The following AGPS variants were observed in gnomAD, a reference collection of about 807,000 sequenced individuals.
AGPS encodes the protein alkyldihydroxyacetonephosphate synthase, peroxisomal.
A neutral mutation model predicts 90.7 loss-of-function variants in AGPS; 26 were observed. The observed-to-expected ratio is 0.29, with a 90% CI of 0.21 to 0.40. AGPS has a LOEUF of 0.40. Ranked by LOEUF, AGPS falls within the 10% of genes least tolerant of loss-of-function variation. AGPS has a pLI of 1.00. For missense variants in AGPS, 540 were observed against 816.1 expected (o/e 0.66, Z 4.12); for synonymous variants, 294 against 285.3 (o/e 1.03, Z -0.31).
intron 1 of AGPS, among the ~76,000 whole-genome samples, chr2:177,399,097 G>T (rs965280065): frequency 6.6e-6 from 1 of 152,116 alleles, no homozygotes; most frequent in Non-Finnish European, 1.5e-5. Context: ...ATCTACCCTT[G>T]TGGTCATTTA....
intron 18 of AGPS, among the ~76,000 whole-genome samples, chr2:177,522,734 G>A (rs868708165): frequency 1.3e-5 from 2 of 152,168 alleles, no homozygotes; most frequent in Non-Finnish European, 2.9e-5. Flanking sequence ...GATTACAAGC[G>A]TGAGCTACCG....
chr2:177,536,503 GA>G (rs1442622788), intron 19 of AGPS, among the ~76,000 whole-genome samples: 1 of 151,974 alleles, frequency 6.6e-6, no homozygotes, highest in Non-Finnish European at 1.5e-5. Context: ...TAGAGTTGAA[GA>G]GACCTTATAA....
intron 8 of AGPS, among the ~76,000 whole-genome samples, chr2:177,458,054 T>C (rs1260004323): frequency 6.6e-6 from 1 of 152,210 alleles, no homozygotes; most frequent in Non-Finnish European, 1.5e-5. Flanking sequence ...TAAATCAATG[T>C]AATCCATCAC....
At chr2:177,501,497 C>T (rs928147123) in intron 14 of AGPS, among the ~76,000 whole-genome samples, 1 of 152,088 alleles carries the variant, frequency 6.6e-6, no homozygotes. Context: ...ATTCTAGATA[C>T]TTGATTTAAT....
intron 19 of AGPS, among the ~76,000 whole-genome samples, chr2:177,536,423 A>G (rs1236856181): frequency 6.6e-6 from 1 of 151,898 alleles, no homozygotes; most frequent in Admixed American, 6.6e-5. Context: ...AAAAAAAAAA[A>G]TCCTGTGGAG....
intron 8 of AGPS, among the ~76,000 whole-genome samples, chr2:177,458,052 T>C (rs1010117986): frequency 6.6e-6 from 1 of 152,156 alleles, no homozygotes; most frequent in African/African-American, 2.4e-5. Flanking sequence ...AATAAATCAA[T>C]GTAATCCATC....
At chr2:177,462,392 C>CA (rs67734682) in intron 9 of AGPS, among the ~76,000 whole-genome samples, 80,353 of 107,032 alleles carry the variant, frequency 0.75, 30,474 homozygotes, top group East Asian at 0.9. Flanking sequence ...GATTCTGTCT[C>CA]AAAAAAAAAA....
At chr2:177,473,023 C>T (rs976858696) in intron 10 of AGPS, among the ~76,000 whole-genome samples, 1 of 152,104 alleles carries the variant, frequency 6.6e-6, no homozygotes, top group African/African-American at 2.4e-5. Context: ...TCCTCTAGTT[C>T]CTCTGTTACT....
At chr2:177,530,748 G>A (rs539333318) in intron 19 of AGPS, among the ~76,000 whole-genome samples, 53 of 152,286 alleles carry the variant, frequency 3.5e-4, no homozygotes, top group Non-Finnish European at 5.9e-4. Flanking sequence ...GTTAACTCTG[G>A]TTTTGTGTAT....
intron 3 of AGPS, among the ~76,000 whole-genome samples, chr2:177,435,316 G>C (rs1686371947): frequency 6.6e-6 from 1 of 151,796 alleles, no homozygotes. Context: ...AAGTTAGGCT[G>C]AACAACTAAT....
chr2:177,524,245 G>A (rs1317526669), intron 19 of AGPS, among the ~76,000 whole-genome samples: 1 of 152,160 alleles, frequency 6.6e-6, no homozygotes, highest in Non-Finnish European at 1.5e-5. Context: ...AATTAATCAA[G>A]ACAGGATATG....
intron 8 of AGPS, among the ~76,000 whole-genome samples, chr2:177,458,108 A>T (rs964645994): frequency 6.6e-6 from 1 of 152,228 alleles, no homozygotes; most frequent in African/African-American, 2.4e-5. Flanking sequence ...ATCTCAATAG[A>T]TGCAGAAAAG....
At chr2:177,512,172 TTTTA>T (rs1242249379) in intron 16 of AGPS, among the ~76,000 whole-genome samples, 6 of 151,950 alleles carry the variant, frequency 3.9e-5, no homozygotes, top group Non-Finnish European at 8.8e-5. Flanking sequence ...GCTTAATAGA[TTTTA>T]TTTATATTTA....
At chr2:177,495,759 A>T in intron 12 of AGPS, among the ~76,000 whole-genome samples, 1 of 150,456 alleles carries the variant, frequency 6.6e-6, no homozygotes, top group Admixed American at 6.6e-5. Flanking sequence ...AAAAAAAAAA[A>T]ATACAAAAAT....
chr2:177,459,651 T>TA (rs957796119), intron 8 of AGPS, among the ~76,000 whole-genome samples: 1 of 152,136 alleles, frequency 6.6e-6, no homozygotes, highest in Non-Finnish European at 1.5e-5. Context: ...TGGCAATCAT[T>TA]AAAAAATCAA....
In AGPS at chr2:177,441,024, A is replaced by G. The variant is rs1191231755; in HGVS notation, c.697A>G (p.Ile233Val). The G allele has an allele frequency of 9.3e-6, 15 of 1,611,564 alleles. No individual in the cohort carries two copies. Among genetic ancestry groups the G allele is most frequent in the African/African-American group, 1.3e-5 (1 of 74,866 alleles). ...AGCTTGCAAATATAATCTTTGTATC[A>G]TACCAATTGGTGGTAGGTATTGTGC... is the stretch of plus-strand genomic sequence containing the variant. ...NLACKYNLCI[I>V]PIGGGTSVSY... The change falls in exon 6 of 20, where the codon ATA (isoleucine) becomes GTA (valine). Residue 233 changes from isoleucine (I) to valine (V), a missense_variant. Ile to Val is a conservative substitution (Grantham distance 29, BLOSUM62 3). Around this residue, in one of 2 missense-constraint regions of AGPS, gnomAD observed 405 missense variants for 692.1 expected, o/e 0.59. Coordinates refer to ENST00000264167, the MANE Select transcript of AGPS (RefSeq NM_003659.4).
At chr2:177,414,337 C>T (rs1479147816) in intron 1 of AGPS, among the ~76,000 whole-genome samples, 1 of 151,948 alleles carries the variant, frequency 6.6e-6, no homozygotes, top group Non-Finnish European at 1.5e-5. Flanking sequence ...CTTGTAGTAG[C>T]TGGGATTACA....
chr2:177,457,464 G>A (rs893654927), intron 8 of AGPS, among the ~76,000 whole-genome samples: 4 of 151,714 alleles, frequency 2.6e-5, no homozygotes, highest in Admixed American at 6.6e-5. Context: ...AAAGAGAGAA[G>A]AATCAAATAG....
chr2:177,517,549 T>G (rs943517333), intron 17 of AGPS, among the ~76,000 whole-genome samples: 1 of 152,178 alleles, frequency 6.6e-6, no homozygotes, highest in Non-Finnish European at 1.5e-5. Flanking sequence ...CTGGTCTGTT[T>G]AGTGACTGAC....
Sources: gnomAD v4.1 joint callset for allele counts (sites outside exome capture counted in the v4.1 genomes callset) on GRCh38, gnomAD v4.1.1 for gene constraint, gnomAD v4.1.1 regional missense constraint, MANE v1.5 for transcripts, NCBI Gene and HGNC (gene_info 2026-07-23, HGNC 2026-07-21) for gene names.